DENND5B: variants seen among roughly 807,000 people sequenced by gnomAD.
DENND5B encodes the protein DENN domain containing 5B, also known as DENN domain-containing protein 5B.
Under a neutral mutation model 140.6 loss-of-function variants are expected in DENND5B, and 34 were observed. That is an observed-to-expected ratio of 0.24 (90% CI 0.18 to 0.32). DENND5B has a LOEUF of 0.32. DENND5B is among the 10% of genes least tolerant of loss of function. The probability of loss-of-function intolerance (pLI) is 1.00; values close to 1 mark genes in which losing one functional copy is unlikely to be tolerated. For synonymous variants in DENND5B, 551 were observed against 562.1 expected (o/e 0.98, Z 0.28); for missense variants, 1,142 against 1,560.2 (o/e 0.73, Z 4.52).
chr12:31,452,771 CT>C (rs1265639524), intron 4 of DENND5B, among the ~76,000 whole-genome samples: 1 of 152,136 alleles, frequency 6.6e-6, no homozygotes, highest in Non-Finnish European at 1.5e-5. Context: ...AAAATAACCT[CT>C]TTTTCCATCA....
chr12:31,482,565 T>C (rs1180915849), intron 2 of DENND5B, among the ~76,000 whole-genome samples: 5 of 152,176 alleles, frequency 3.3e-5, no homozygotes, highest in Non-Finnish European at 7.4e-5. Flanking sequence ...CAGAAACTAA[T>C]TGCTGTTGCT....
At chr12:31,509,566 A>T (rs1947330701) in intron 1 of DENND5B, among the ~76,000 whole-genome samples, 1 of 152,214 alleles carries the variant, frequency 6.6e-6, no homozygotes, top group African/African-American at 2.4e-5. Flanking sequence ...AATAATTTTT[A>T]AAAAAGTTTG....
At chr12:31,448,164 C>T (rs566140145) in intron 5 of DENND5B, among the ~76,000 whole-genome samples, 164 of 151,666 alleles carry the variant, frequency 1.1e-3, no homozygotes, top group African/African-American at 3.5e-3. Context: ...GATGGAGTCT[C>T]GCTCTGTCGC....
At chr12:31,466,079 G>T (rs181863411) in intron 3 of DENND5B, among the ~76,000 whole-genome samples, 3 of 152,360 alleles carry the variant, frequency 2.0e-5, no homozygotes, top group Admixed American at 1.3e-4. Flanking sequence ...TTGGAATGAG[G>T]CTGGGTGTGG....
At chr12:31,451,772 A>G (rs1944535262) in intron 5 of DENND5B, 168 bp downstream of exon 5, 6 of 737,776 alleles carry the variant, frequency 8.1e-6, no homozygotes, top group Admixed American at 6.6e-5. Context: ...CTTGGTAAAG[A>G]AAAGTTCTTA....
At chr12:31,566,678 T>C (rs1949643609) in intron 1 of DENND5B, among the ~76,000 whole-genome samples, 1 of 152,170 alleles carries the variant, frequency 6.6e-6, no homozygotes, top group Non-Finnish European at 1.5e-5. Flanking sequence ...AATTTCATCA[T>C]CAAACTGCCC....
Position 31,387,261 on chromosome 12 carries a change from G to C in DENND5B, c.*342C>G, listed in dbSNP as rs1320211685. 5.6e-6 allele frequency: 1 copy of C among 179,938 alleles called. No individual in the cohort carries two copies. Among genetic ancestry groups the C allele is most frequent in the Admixed American group, 5.9e-5 (1 of 16,870 alleles). 11.1% of individuals were successfully genotyped at this position (179,938 alleles called of 1,614,324 possible). ...ATGTTTACTGGCTTCTTCCTGGCTA[G>C]CACCACTCTTCCCCCCAACCCCCAA... On this transcript the variant is annotated 3_prime_UTR_variant, in exon 21 of 21. Coordinates refer to ENST00000389082, the MANE Select transcript of DENND5B (RefSeq NM_144973.4).
intron 14 of DENND5B, among the ~76,000 whole-genome samples, chr12:31,404,752 C>A (rs191334173): frequency 2.8e-5 from 2 of 70,966 alleles, no homozygotes; most frequent in Admixed American, 4.4e-4. Flanking sequence ...CCGCGTCCGA[C>A]CTCTAGCTTT....
intron 1 of DENND5B, among the ~76,000 whole-genome samples, chr12:31,533,049 G>A (rs1004824285): frequency 1.3e-5 from 2 of 152,152 alleles, no homozygotes; most frequent in Non-Finnish European, 2.9e-5. Flanking sequence ...TGGAGACTAA[G>A]AGCTTGCACA....
At chr12:31,513,838 ATT>A (rs35872313) in intron 1 of DENND5B, among the ~76,000 whole-genome samples, 3 of 145,296 alleles carry the variant, frequency 2.1e-5, no homozygotes, top group Non-Finnish European at 3.0e-5. Context: ...CTCAGATAAC[ATT>A]TTTTTTTTTT....
At chr12:31,571,681 G>A (rs929396752) in intron 1 of DENND5B, among the ~76,000 whole-genome samples, 8 of 151,776 alleles carry the variant, frequency 5.3e-5, no homozygotes, top group African/African-American at 1.7e-4. Flanking sequence ...GCCATGGCAC[G>A]TTCTCGGCTC....
intron 1 of DENND5B, among the ~76,000 whole-genome samples, chr12:31,511,240 A>G (rs979087642): frequency 6.6e-6 from 1 of 152,060 alleles, no homozygotes; most frequent in Non-Finnish European, 1.5e-5. Flanking sequence ...CCCTGTCTCA[A>G]AAAAAAACAA....
At position 31,432,944 on chromosome 12, in the gene DENND5B, G is replaced by C. The variant is rs1479251540; in HGVS notation, c.2106+211C>G. 6.1e-6 allele frequency: 3 copies of C among 495,582 alleles called. No individual in the cohort carries two copies. In the East Asian group the frequency reaches 1.0e-4, roughly 17 times the overall value. 30.7% of individuals were successfully genotyped at this position (495,582 alleles called of 1,614,324 possible). On this transcript the variant is annotated intron_variant, in intron 8 of 20. Coordinates refer to ENST00000389082, the MANE Select transcript of DENND5B (RefSeq NM_144973.4). ...GTAATACACAGAAAGACTTGTTTTA[G>C]AGCCTTATTATAGATGTCTTGAAAT... is the stretch of plus-strand genomic sequence containing the variant.
chr12:31,548,548 T>C (rs1205112499), intron 1 of DENND5B, among the ~76,000 whole-genome samples: 1 of 152,198 alleles, frequency 6.6e-6, no homozygotes, highest in East Asian at 1.9e-4. Context: ...CTGAACCTAG[T>C]TCAATAAACA....
intron 17 of DENND5B, among the ~76,000 whole-genome samples, chr12:31,396,237 T>G (rs1408754424): frequency 1.3e-5 from 2 of 151,902 alleles, no homozygotes; most frequent in Admixed American, 6.6e-5. Flanking sequence ...GCCCAGCTAA[T>G]TTTTGTATTT....
At chr12:31,413,888 C>T (rs976883954) in intron 12 of DENND5B, among the ~76,000 whole-genome samples, 1 of 152,070 alleles carries the variant, frequency 6.6e-6, no homozygotes, top group Non-Finnish European at 1.5e-5. Flanking sequence ...ATTCCTGATG[C>T]TCCAAAAAAA....
At chr12:31,439,561 G>C (rs1156514946) in intron 7 of DENND5B, among the ~76,000 whole-genome samples, 1 of 151,712 alleles carries the variant, frequency 6.6e-6, no homozygotes, top group Non-Finnish European at 1.5e-5. Flanking sequence ...GTGGTGACTA[G>C]GACAGTCCTC....
chr12:31,506,599 T>C (rs1387818247), intron 1 of DENND5B, among the ~76,000 whole-genome samples: 4 of 152,212 alleles, frequency 2.6e-5, no homozygotes, highest in Non-Finnish European at 5.9e-5. Context: ...AGCCACACTT[T>C]GGAAGTCCCA....
chr12:31,446,345 C>A (rs188001375), intron 6 of DENND5B, among the ~76,000 whole-genome samples: 83 of 152,128 alleles, frequency 5.5e-4, no homozygotes, highest in African/African-American at 1.8e-3. Context: ...GATGGGGTTT[C>A]GCCATGTCGG....
Sources: gnomAD v4.1 joint callset for allele counts (sites outside exome capture counted in the v4.1 genomes callset) on GRCh38, gnomAD v4.1.1 for gene constraint, MANE v1.5 for transcripts, NCBI Gene and HGNC (gene_info 2026-07-23, HGNC 2026-07-21) for gene names.